TTLL1: variants seen among roughly 807,000 people sequenced by gnomAD.
The protein encoded by TTLL1 is polyglutamylase complex subunit TTLL1.
Under a neutral mutation model 47.8 loss-of-function variants are expected in TTLL1, and 33 were observed. The ratio of observed to expected loss-of-function variants is 0.69; its 90% confidence interval spans 0.52 to 0.92. TTLL1 has a LOEUF of 0.92. TTLL1 is among the 40% of genes least tolerant of loss of function. The pLI is 0.00. For synonymous variants in TTLL1, 225 were observed against 214.1 expected (o/e 1.05, Z -0.45); for missense variants, 488 against 547.5 (o/e 0.89, Z 1.08).
chr22:43,054,105 G>T (rs1926832239), intron 8 of TTLL1, among the ~76,000 whole-genome samples: 1 of 152,166 alleles, frequency 6.6e-6, no homozygotes, highest in Admixed American at 6.6e-5. Flanking sequence ...AGCAAGAGTG[G>T]GCTCTTGAGC....
At chr22:43,056,035 A>G (rs1450032624) in intron 8 of TTLL1, among the ~76,000 whole-genome samples, 1 of 151,802 alleles carries the variant, frequency 6.6e-6, no homozygotes, top group Non-Finnish European at 1.5e-5. Context: ...GTGAGCCACC[A>G]TACCTGGCCT....
intron 8 of TTLL1, among the ~76,000 whole-genome samples, chr22:43,056,517 T>C (rs1270304829): frequency 1.4e-5 from 2 of 144,152 alleles, no homozygotes; most frequent in Non-Finnish European, 3.0e-5. Flanking sequence ...GTGCAGTAGC[T>C]CACGCCTGTA....
chr22:43,088,324 CTTTT>C (rs1167618669), intron 1 of TTLL1, among the ~76,000 whole-genome samples: 33 of 56,488 alleles, frequency 5.8e-4, no homozygotes, highest in African/African-American at 2.3e-3. Context: ...AAGGGCCCAT[CTTTT>C]TTTTTTTTTT....
At chr22:43,041,931 G>C (rs1170474571) in intron 10 of TTLL1, among the ~76,000 whole-genome samples, 1 of 152,178 alleles carries the variant, frequency 6.6e-6, no homozygotes, top group Non-Finnish European at 1.5e-5. Flanking sequence ...TCTCGAAGGA[G>C]AGACACAGCC....
chr22:43,049,699 G>C (rs762560361), intron 9 of TTLL1, among the ~76,000 whole-genome samples: 7 of 151,450 alleles, frequency 4.6e-5, no homozygotes, highest in Non-Finnish European at 8.8e-5. Context: ...AGCTCAGAAG[G>C]TGTAGGCTGC....
chr22:43,058,257 T>C (rs1927158109), intron 8 of TTLL1, among the ~76,000 whole-genome samples: 1 of 152,262 alleles, frequency 6.6e-6, no homozygotes, highest in East Asian at 1.9e-4. Flanking sequence ...GAAATATTAA[T>C]AGTAGCAAGC....
At chr22:43,050,508 T>G (rs1169235470) in intron 9 of TTLL1, among the ~76,000 whole-genome samples, 1 of 123,774 alleles carries the variant, frequency 8.1e-6, no homozygotes, top group African/African-American at 4.2e-5. Context: ...CTCTGGTTTT[T>G]TTTTGTTTTT....
chr22:43,068,500 T>C lies in TTLL1; in HGVS notation c.413A>G (p.Lys138Arg), dbSNP rs752825372. Residue 138 changes from lysine (K) to arginine (R), a missense_variant, in exon 5 of 11, where the codon AAG (lysine) becomes AGG (arginine). Lys to Arg is a conservative substitution (Grantham distance 26, BLOSUM62 2). Coordinates refer to ENST00000266254, the MANE Select transcript of TTLL1 (RefSeq NM_012263.5). ...RKSPSSTWIM[K>R]PCGKAQGKGI... ...CTTTCCCTGGGCCTTGCCACAAGGC[T>C]TCATGATCCAGGTGCTGGACGGGCT... The C allele has an allele frequency of 2.5e-6, 4 of 1,580,216 alleles. No homozygotes were observed. The highest frequency in any genetic ancestry group is 3.5e-6 in the Non-Finnish European group (4 of 1,155,154).
At chr22:43,071,078 A>T (rs937136841) in intron 3 of TTLL1, among the ~76,000 whole-genome samples, 1 of 151,884 alleles carries the variant, frequency 6.6e-6, no homozygotes, top group African/African-American at 2.4e-5. Context: ...GTGTCCTGCT[A>T]AATTTTTATA....
rs868049146 is a variant in TTLL1, at chr22:43,059,147, G to A, written c.891+237C>T. ...TGGGATTACACGTGCATGCCACCAT[G>A]CCCGGCTAATTTTTGTATTTTTAGT... On this transcript the variant is annotated intron_variant, in intron 8 of 10. Coordinates refer to ENST00000266254, the MANE Select transcript of TTLL1 (RefSeq NM_012263.5). Among the ~76,000 whole-genome samples the A allele has an allele frequency of 2.0e-5, 3 of 151,880 alleles. No homozygotes were observed. In the South Asian group the frequency reaches 6.2e-4, roughly 32 times the overall value.
At chr22:43,070,241 G>A (rs2076161) in intron 3 of TTLL1, 1 of 1,312,746 alleles carries the variant, frequency 7.6e-7, no homozygotes, top group South Asian at 1.2e-5. Context: ...AGGTCAAGGA[G>A]CCTTTAAAAA....
chr22:43,054,355 A>G (rs1926850530), intron 8 of TTLL1, among the ~76,000 whole-genome samples: 2 of 152,014 alleles, frequency 1.3e-5, no homozygotes, highest in African/African-American at 2.4e-5. Flanking sequence ...GTGCTCACGC[A>G]CCACTTTGAA....
At chr22:43,085,451 G>A (rs1929170947) in intron 1 of TTLL1, among the ~76,000 whole-genome samples, 1 of 152,180 alleles carries the variant, frequency 6.6e-6, no homozygotes, top group Admixed American at 6.6e-5. Flanking sequence ...CAAGGGCAGG[G>A]CAAGGTGGAG....
chr22:43,080,523 C>G (rs1199638516), intron 1 of TTLL1, among the ~76,000 whole-genome samples: 1 of 151,520 alleles, frequency 6.6e-6, no homozygotes, highest in African/African-American at 2.4e-5. Flanking sequence ...CCTTCTCAAG[C>G]TGCCATACCA....
intron 8 of TTLL1, among the ~76,000 whole-genome samples, chr22:43,054,339 C>A (rs1485835757): frequency 6.6e-6 from 1 of 152,144 alleles, no homozygotes; most frequent in Non-Finnish European, 1.5e-5. Flanking sequence ...AACGAACCCA[C>A]ACACTGTGCT....
chr22:43,044,443 CAG>C (rs2146957447), intron 10 of TTLL1, among the ~76,000 whole-genome samples: 1 of 152,348 alleles, frequency 6.6e-6, no homozygotes, highest in South Asian at 2.1e-4. Context: ...GCATGGGCTT[CAG>C]AGTCCTCCCA....
At chr22:43,073,169 C>T (rs1216845160) in intron 3 of TTLL1, among the ~76,000 whole-genome samples, 3 of 151,746 alleles carry the variant, frequency 2.0e-5, no homozygotes, top group African/African-American at 4.8e-5. Flanking sequence ...GCGCCTGCCA[C>T]TAAGCCCAGC....
rs987971914 is a variant in TTLL1, at chr22:43,050,503, G to GT, written c.978+1297dup. Among the ~76,000 whole-genome samples, 257 of 121,992 alleles carry GT rather than the reference G, an allele frequency of 2.1e-3. 1 individual carries two copies. The highest frequency in any genetic ancestry group is 0.01 in the African/African-American group (243 of 23,366). 80.0% of individuals were successfully genotyped at this position (121,992 alleles called of 152,430 possible). ...AGAGACTTCCATTCAAGTCACTCTG[G>GT]TTTTTTTTTGTTTTTTTTTTTGTTT... On this transcript the variant is annotated intron_variant, in intron 9 of 10. Coordinates refer to ENST00000266254, the MANE Select transcript of TTLL1 (RefSeq NM_012263.5).
Position 43,064,284 on chromosome 22 carries a change from G to A in TTLL1, c.544C>T (p.Leu182Phe). The A allele has an allele frequency of 6.2e-7, 1 of 1,614,042 alleles. No individual in the cohort carries two copies. Among genetic ancestry groups the A allele is most frequent in the Non-Finnish European group, 8.5e-7 (1 of 1,180,016 alleles). ...ATTAGTAACGGGTTGTTAATATAGA[G>A]AGAGATCACGTAGGCTTCCTTATTA... is the stretch of plus-strand genomic sequence containing the variant. ...QSNKEAYVIS[L>F]YINNPLLIGG... is the part of the protein sequence containing the mutation. The change falls in exon 6 of 11, where the codon CTC (leucine) becomes TTC (phenylalanine). Residue 182 changes from leucine to phenylalanine, a missense_variant. Leu to Phe is a conservative substitution (Grantham distance 22, BLOSUM62 0). Transcript: ENST00000266254.
Sources: gnomAD v4.1 joint callset for allele counts (sites outside exome capture counted in the v4.1 genomes callset) on GRCh38, gnomAD v4.1.1 for gene constraint, MANE v1.5 for transcripts, NCBI Gene and HGNC (gene_info 2026-07-23, HGNC 2026-07-21) for gene names.